The following FNIP2 variants were observed in gnomAD, a reference collection of about 807,000 sequenced individuals.
FNIP2 encodes the protein folliculin interacting protein 2, also known as folliculin-interacting protein 2.
In FNIP2, 32 loss-of-function variants were observed where a neutral mutation model predicts 108.7. The ratio of observed to expected loss-of-function variants is 0.29; its 90% CI spans 0.22 to 0.40. The LOEUF is 0.40. Among genes scored for constraint, FNIP2 ranks in the 10% least tolerant of loss-of-function variants. FNIP2 has a pLI of 1.00. For missense variants in FNIP2, 1,202 were observed against 1,381.6 expected, an observed-to-expected ratio of 0.87 and a Z score of 2.06; for synonymous variants, 480 against 496.7, an observed-to-expected ratio of 0.97 and a Z score of 0.45.
In FNIP2 at chr4:158,769,189, G is replaced by T; in HGVS notation, c.-24G>T. 2 of 1,291,704 alleles carry T rather than the reference G, an allele frequency of 1.5e-6. No homozygotes were observed. Among genetic ancestry groups the T allele is most frequent in the Non-Finnish European group, 2.0e-6 (2 of 998,970 alleles). The allele number at this position is 1,291,704 out of a possible 1,614,324, so 80.0% of individuals were successfully genotyped here. Reference sequence around the variant, plus strand: ...GAGCCGCCGGCCCCCCGAGCGCCACGGCCGGAGCTGCGGCGGCGGCATCAT... The same window carrying T: ...GAGCCGCCGGCCCCCCGAGCGCCACTGCCGGAGCTGCGGCGGCGGCATCAT... On this transcript the variant is annotated 5_prime_UTR_variant, in exon 1 of 17. Transcript: ENST00000264433.
chr4:158,779,976 A>AG (rs1175348570), intron 1 of FNIP2, among the ~76,000 whole-genome samples: 1 of 151,990 alleles, frequency 6.6e-6, no homozygotes, highest in African/African-American at 2.4e-5. Context: ...TGGGAGACTG[A>AG]GGTGGAAGGA....
chr4:158,780,029 G>C (rs953193011), intron 1 of FNIP2, among the ~76,000 whole-genome samples: 1 of 151,652 alleles, frequency 6.6e-6, no homozygotes, highest in African/African-American at 2.4e-5. Context: ...TCAACAAAAG[G>C]AGACCCCATC....
intron 12 of FNIP2, among the ~76,000 whole-genome samples, chr4:158,862,705 T>C (rs1578933115): frequency 6.6e-6 from 1 of 152,210 alleles, no homozygotes; most frequent in East Asian, 1.9e-4. Flanking sequence ...ATTGCCCTGA[T>C]TTGATCATTA....
At chr4:158,780,895 T>G (rs991777345) in intron 1 of FNIP2, among the ~76,000 whole-genome samples, 1 of 151,814 alleles carries the variant, frequency 6.6e-6, no homozygotes, top group Non-Finnish European at 1.5e-5. Context: ...ATTAGCCGGG[T>G]GTGGTGGCGT....
chr4:158,810,884 C>T (rs1015971654), intron 1 of FNIP2, among the ~76,000 whole-genome samples: 15 of 152,192 alleles, frequency 9.9e-5, no homozygotes, highest in Admixed American at 2.6e-4. Flanking sequence ...TGTGCTGAAG[C>T]GGAATGCTGG....
chr4:158,798,179 C>T (rs535976848), intron 1 of FNIP2, among the ~76,000 whole-genome samples: 5 of 152,136 alleles, frequency 3.3e-5, no homozygotes, highest in South Asian at 2.1e-4. Flanking sequence ...ATCCTCCCAC[C>T]GCAGCCTCTT....
chr4:158,782,345 C>T (rs556026385), intron 1 of FNIP2, among the ~76,000 whole-genome samples: 5 of 152,196 alleles, frequency 3.3e-5, no homozygotes, highest in African/African-American at 1.2e-4. Flanking sequence ...CTTTCTTTCC[C>T]CTATCCCAGA....
chr4:158,841,988 G>A (rs1779160315), intron 7 of FNIP2, among the ~76,000 whole-genome samples: 1 of 152,232 alleles, frequency 6.6e-6, no homozygotes, highest in Non-Finnish European at 1.5e-5. Context: ...AAAGTGCCTG[G>A]TTGTATCTTA....
At chr4:158,828,379 G>T (rs1409704820) in intron 2 of FNIP2, among the ~76,000 whole-genome samples, 2 of 152,198 alleles carry the variant, frequency 1.3e-5, no homozygotes. Context: ...ACTTTGAGAG[G>T]CTGAGGTGGG....
At chr4:158,807,943 T>G (rs528431176) in intron 1 of FNIP2, among the ~76,000 whole-genome samples, 1 of 152,290 alleles carries the variant, frequency 6.6e-6, no homozygotes, top group East Asian at 1.9e-4. Context: ...TACTATCTGT[T>G]TTTATCTGTT....
At chr4:158,866,478 A>G (rs1447783480) in intron 12 of FNIP2, among the ~76,000 whole-genome samples, 1 of 151,500 alleles carries the variant, frequency 6.6e-6, no homozygotes, top group Non-Finnish European at 1.5e-5. Flanking sequence ...TCGGCCTCCC[A>G]AAGTGCTGGA....
rs1729870424 is a variant in FNIP2, at chr4:158,906,676, C to G, written c.*2132C>G. The G allele has an allele frequency of 6.6e-6, 1 of 152,186 alleles. No homozygotes were observed. Among genetic ancestry groups the G allele is most frequent in the Non-Finnish European group, 1.5e-5 (1 of 68,038 alleles). The allele number at this position is 152,186 out of a possible 1,614,324, so 9.4% of individuals were successfully genotyped here. On this transcript the variant is annotated 3_prime_UTR_variant, in exon 17 of 17. Transcript: ENST00000264433. ...TCTCCGTGACACTCAGGATTCCAGT[C>G]AGAACCTAATCCTCATATCTATTGC...
chr4:158,903,951 C>A (rs1729589462), intron 16 of FNIP2, among the ~76,000 whole-genome samples: 2 of 152,204 alleles, frequency 1.3e-5, no homozygotes, highest in South Asian at 2.1e-4. Context: ...ACTTTGCTCT[C>A]AGAATCTTGT....
At chr4:158,854,227 A>G (rs942058871) in intron 8 of FNIP2, among the ~76,000 whole-genome samples, 7 of 152,352 alleles carry the variant, frequency 4.6e-5, no homozygotes, top group African/African-American at 1.7e-4. Context: ...TGCTCAGGTC[A>G]TAGAGTTAAA....
chr4:158,822,474 C>T (rs183486678), intron 1 of FNIP2, among the ~76,000 whole-genome samples: 72 of 152,138 alleles, frequency 4.7e-4, no homozygotes, highest in Admixed American at 4.4e-3. Flanking sequence ...TGTGCCTGAC[C>T]GTTTTGTTTT....
chr4:158,813,606 A>G (rs1777403470), intron 1 of FNIP2, among the ~76,000 whole-genome samples: 1 of 152,094 alleles, frequency 6.6e-6, no homozygotes, highest in African/African-American at 2.4e-5. Flanking sequence ...TTTTGGGAAT[A>G]TTTTGTCTCA....
rs1317087393 is a variant in FNIP2, at chr4:158,787,578, C to T, written c.107+18259C>T. On this transcript the variant is annotated intron_variant, in intron 1 of 16. Coordinates refer to ENST00000264433, the MANE Select transcript of FNIP2 (RefSeq NM_020840.3). ...CAGACCTTTTGATTCCTGCATCACA[C>T]CTCAGCCAATTTTTAGTCCTATGAG... 6.6e-5 allele frequency among the ~76,000 whole-genome samples: 10 copies of T among 152,156 alleles called. 1 individual carries two copies. Among genetic ancestry groups the T allele is most frequent in the Admixed American group, 6.5e-4 (10 of 15,274 alleles).
In FNIP2 at chr4:158,868,371, G is replaced by A; in HGVS notation, c.1735G>A (p.Val579Ile). Reference protein sequence around the residue: ...VITVRNEPALVPPILPPTAAE... With the variant: ...VITVRNEPALIPPILPPTAAE... Reference sequence around the variant, plus strand: ...TACGGTGAGGAACGAGCCCGCTCTTGTACCCCCCATCCTACCACCAACAGC... The same window carrying A: ...TACGGTGAGGAACGAGCCCGCTCTTATACCCCCCATCCTACCACCAACAGC... The change falls in exon 13 of 17, where the codon GTA (valine) becomes ATA (isoleucine). Residue 579 changes from valine to isoleucine, a missense_variant. Around this residue, in one of 5 missense-constraint regions of FNIP2, gnomAD observed 878 missense variants for 990.3 expected, o/e 0.89. Transcript: ENST00000264433. The surrounding 1 kb of genome is among the most constrained non-coding windows in gnomAD (Gnocchi z 4.6). 2 of 1,613,970 alleles carry A rather than the reference G, an allele frequency of 1.2e-6. No homozygotes were observed. Among genetic ancestry groups the A allele is most frequent in the African/African-American group, 2.7e-5 (2 of 75,034 alleles).
rs997601939 is a variant in FNIP2 at position 158,907,325 on chromosome 4, C to T, written c.*2781C>T. On this transcript the variant is annotated 3_prime_UTR_variant, in exon 17 of 17. Coordinates refer to ENST00000264433, the MANE Select transcript of FNIP2 (RefSeq NM_020840.3). ...GCTTCAATCCATTTTTCGAAGTGTG[C>T]TGTTTTTTAATGAAAGTAACTATAA... The T allele has an allele frequency of 1.3e-5, 2 of 152,102 alleles. No individual in the cohort carries two copies. Among genetic ancestry groups the T allele is most frequent in the Admixed American group, 1.3e-4 (2 of 15,268 alleles). The allele number at this position is 152,102 out of a possible 1,614,324, so 9.4% of individuals were successfully genotyped here. A position where few individuals can be genotyped will look rare whatever the true frequency, so the allele number is the denominator to read the frequency against.
Sources: gnomAD v4.1 joint callset for allele counts (sites outside exome capture counted in the v4.1 genomes callset) on GRCh38, gnomAD v4.1.1 for gene constraint, gnomAD v4.1.1 regional missense constraint, Gnocchi (gnomAD v3.1) non-coding constraint, MANE v1.5 for transcripts, NCBI Gene and HGNC (gene_info 2026-07-23, HGNC 2026-07-21) for gene names.